The following TUSC3 variants were observed in gnomAD, a reference collection of about 807,000 sequenced individuals.
The protein encoded by TUSC3 is dolichyl-diphosphooligosaccharide--protein glycosyltransferase subunit TUSC3.
TUSC3 carries 45 observed loss-of-function variants against 44.8 expected under a neutral mutation model. The observed-to-expected ratio is 1.00, with a 90% confidence interval of 0.79 to 1.29. The LOEUF is 1.29. TUSC3 is among the 50% of genes most tolerant of loss of function. TUSC3 has a pLI of 0.00. For missense variants in TUSC3, 519 were observed against 437.9 expected, an observed-to-expected ratio of 1.19 and a Z score of -1.65; for synonymous variants, 212 against 152.9, an observed-to-expected ratio of 1.39 and a Z score of -2.85.
intron 1 of TUSC3, among the ~76,000 whole-genome samples, chr8:15,424,605 A>G (rs1209872209): frequency 6.6e-6 from 1 of 152,114 alleles, no homozygotes; most frequent in Non-Finnish European, 1.5e-5. Flanking sequence ...TAGTGGCTGG[A>G]TGCGGTGGCT....
the TUSC3 span, among the ~76,000 whole-genome samples, chr8:15,809,889 T>A: frequency 1.3e-5 from 2 of 152,208 alleles, no homozygotes; most frequent in African/African-American, 4.8e-5. Context: ...TCCTATTTTT[T>A]AAAATCCTAA....
chr8:15,494,163 A>G (rs1220278707), intron 2 of TUSC3, among the ~76,000 whole-genome samples: 1 of 151,596 alleles, frequency 6.6e-6, no homozygotes, highest in Non-Finnish European at 1.5e-5. Context: ...TTGTCTTTCC[A>G]TTGTCAGATA....
the TUSC3 span, chr8:15,806,764 T>G: frequency 8.9e-6 from 7 of 782,952 alleles, no homozygotes; most frequent in Admixed American, 1.0e-4. Flanking sequence ...CAGAGCCACC[T>G]GCATTCTGAA....
At chr8:15,646,659 T>C (rs886316754) in intron 2 of TUSC3, among the ~76,000 whole-genome samples, 5 of 152,114 alleles carry the variant, frequency 3.3e-5, no homozygotes, top group African/African-American at 1.2e-4. Flanking sequence ...AAAACAATGT[T>C]ATGTGCTTCT....
At chr8:15,430,689 G>A (rs1279019996) in intron 1 of TUSC3, among the ~76,000 whole-genome samples, 1 of 151,558 alleles carries the variant, frequency 6.6e-6, no homozygotes, top group Non-Finnish European at 1.5e-5. Context: ...CAGTCAAATT[G>A]TCCCTGTTTG....
intron 2 of TUSC3, among the ~76,000 whole-genome samples, chr8:15,501,786 CTTAT>C (rs1800970273): frequency 6.6e-6 from 1 of 152,172 alleles, no homozygotes; most frequent in Non-Finnish European, 1.5e-5. Flanking sequence ...GATTGCCTTA[CTTAT>C]TTGTTTTCAG....
chr8:15,619,611 C>G (rs2129162774), intron 1 of TUSC3, among the ~76,000 whole-genome samples: 1 of 152,222 alleles, frequency 6.6e-6, no homozygotes, highest in African/African-American at 2.4e-5. Context: ...CCTGCCTCAG[C>G]CTCTGGAGTA....
At position 15,439,205 on chromosome 8, in the gene TUSC3, C is replaced by T. The variant is rs7838720; in HGVS notation, n.91+21900C>T. ...CAAACCAGACTGAAGTGGTAGCCAG[C>T]GACCCAGGAAACCCAGTGATGCAGT... On this transcript the variant is annotated intron_variant and non_coding_transcript_variant, in intron 1 of 5. Transcript: ENST00000503191. 4.8e-3 allele frequency among the ~76,000 whole-genome samples: 726 copies of T among 152,202 alleles called. 7 individuals are homozygous for T. Among genetic ancestry groups the T allele is most frequent in the South Asian group, 0.014 (66 of 4,822 alleles).
chr8:15,540,407 T>C lies in TUSC3; in HGVS notation c.-24T>C, dbSNP rs74549755. ...GCTGGGCGCGCACGGCTACCGCGCG[T>C]GGAGGAGACACTGCCCTGCCGCGAT... On this transcript the variant is annotated 5_prime_UTR_variant, in exon 1 of 11. Coordinates refer to ENST00000503731, the MANE Select transcript of TUSC3 (RefSeq NM_006765.4). The C allele has an allele frequency of 3.2e-6, 5 of 1,551,816 alleles. No homozygotes were observed. The Admixed American group carries it at 5.8e-5, about 18-fold the overall frequency.
At chr8:15,434,789 G>C (rs963524575) in intron 1 of TUSC3, among the ~76,000 whole-genome samples, 2 of 151,716 alleles carry the variant, frequency 1.3e-5, no homozygotes, top group African/African-American at 4.8e-5. Context: ...TGTGGTGTTT[G>C]GTTTTTTGTG....
intron 1 of TUSC3, among the ~76,000 whole-genome samples, chr8:15,576,610 T>A (rs2129145092): frequency 6.9e-6 from 1 of 145,708 alleles, no homozygotes. Context: ...TGATTTCCAG[T>A]TTCATCCATG....
the TUSC3 span, among the ~76,000 whole-genome samples, chr8:15,814,395 T>C: frequency 1.3e-5 from 2 of 152,178 alleles, no homozygotes; most frequent in Non-Finnish European, 2.9e-5. Flanking sequence ...GAGTCACTAA[T>C]AGAGAAGTGA....
chr8:15,781,481 G>A, the TUSC3 span, among the ~76,000 whole-genome samples: 1 of 152,104 alleles, frequency 6.6e-6, no homozygotes, highest in Non-Finnish European at 1.5e-5. Flanking sequence ...AAGGCAGCAA[G>A]GGAAAAGCAA....
the TUSC3 span, among the ~76,000 whole-genome samples, chr8:15,829,081 C>T: frequency 7.2e-5 from 11 of 152,112 alleles, no homozygotes; most frequent in African/African-American, 2.7e-4. Flanking sequence ...CTCATACTTA[C>T]CCACTTCTCT....
At chr8:15,833,755 G>C in the TUSC3 span, among the ~76,000 whole-genome samples, 1 of 151,826 alleles carries the variant, frequency 6.6e-6, no homozygotes, top group African/African-American at 2.4e-5. Context: ...TTAATACCCG[G>C]GTGACAAAAC....
At chr8:15,459,832 T>TTGTGTGTG (rs35529446) in intron 1 of TUSC3, among the ~76,000 whole-genome samples, 3 of 148,540 alleles carry the variant, frequency 2.0e-5, no homozygotes, top group East Asian at 2.1e-4. Flanking sequence ...AGTATTCCAT[T>TTGTGTGTG]TGTGTGTGTG....
chr8:15,788,639 G>A, the TUSC3 span, among the ~76,000 whole-genome samples: 36 of 152,168 alleles, frequency 2.4e-4, no homozygotes, highest in African/African-American at 8.2e-4. Context: ...CTACCCCGGG[G>A]CTGATGGAAA....
At chr8:15,537,047 T>G (rs911000096), upstream of TUSC3, among the ~76,000 whole-genome samples, 4 of 152,198 alleles carry the variant, frequency 2.6e-5, no homozygotes, top group African/African-American at 9.6e-5. Flanking sequence ...CTTTCCCCTT[T>G]GTTTTTCTTC....
intron 2 of TUSC3, among the ~76,000 whole-genome samples, chr8:15,625,994 C>A (rs1805492302): frequency 6.6e-6 from 1 of 152,198 alleles, no homozygotes; most frequent in Non-Finnish European, 1.5e-5. Flanking sequence ...CAGCAGCGGG[C>A]CATCCGAAGA....
Sources: gnomAD v4.1 joint callset for allele counts (sites outside exome capture counted in the v4.1 genomes callset) on GRCh38, gnomAD v4.1.1 for gene constraint, MANE v1.5 for transcripts, NCBI Gene and HGNC (gene_info 2026-07-23, HGNC 2026-07-21) for gene names.